The following ZNF652 variants were observed in gnomAD, a reference collection of about 807,000 sequenced individuals.
The protein encoded by ZNF652 is zinc finger protein 652.
ZNF652 carries 16 observed loss-of-function variants against 45.2 expected under a neutral mutation model. That is an observed-to-expected ratio of 0.35 (90% confidence interval 0.24 to 0.54). The LOEUF (loss-of-function observed/expected upper bound fraction) is 0.54. Ranked by LOEUF, ZNF652 falls within the 20% of genes least tolerant of loss-of-function variation. The probability of loss-of-function intolerance (pLI) is 0.91; values close to 1 mark genes in which losing one functional copy is unlikely to be tolerated. For synonymous variants in ZNF652, 250 were observed against 260.6 expected (o/e 0.96, Z 0.39); for missense variants, 614 against 765.6 (o/e 0.80, Z 2.34).
rs927255226 is a variant in ZNF652 at position 49,291,052 on chromosome 17, G to A, written c.*7361C>T. The A allele has an allele frequency of 6.6e-6, 1 of 152,158 alleles. No individual in the cohort carries two copies. Among genetic ancestry groups the A allele is most frequent in the Non-Finnish European group, 1.5e-5 (1 of 68,022 alleles). The allele number at this position is 152,158 out of a possible 1,614,324, so 9.4% of individuals were successfully genotyped here. ...GAGGCTACATATATGCCCTTGGGGA[G>A]ACAACTTAAGAAGTAAACACCAAAA... On this transcript the variant is annotated 3_prime_UTR_variant, in exon 6 of 6. Coordinates refer to ENST00000430262, the MANE Select transcript of ZNF652 (RefSeq NM_001145365.3).
At chr17:49,352,244 T>A (rs370449371) in intron 1 of ZNF652, among the ~76,000 whole-genome samples, 333 of 150,294 alleles carry the variant, frequency 2.2e-3, no homozygotes, top group African/African-American at 5.9e-3. Flanking sequence ...GTCAATATAT[T>A]TTTTTTTTTT....
At position 49,290,372 on chromosome 17, in the gene ZNF652, T is replaced by C. The variant is rs554471497; in HGVS notation, c.*8041A>G. ...CCACGGATAGGAGCCCTTAGACAAG[T>C]AACTGACAGAGAGGGAGCACACACA... On this transcript the variant is annotated 3_prime_UTR_variant, in exon 6 of 6. Coordinates refer to ENST00000430262, the MANE Select transcript of ZNF652 (RefSeq NM_001145365.3). 9.9e-5 allele frequency: 15 copies of C among 151,704 alleles called. No homozygotes were observed. Among genetic ancestry groups the C allele is most frequent in the African/African-American group, 3.6e-4 (15 of 41,278 alleles). The allele number at this position is 151,704 out of a possible 1,614,324, so 9.4% of individuals were successfully genotyped here.
At position 49,295,937 on chromosome 17, in the gene ZNF652, C is replaced by CAAAAAAAAAACAAAAAAAAAAAA. The variant is rs2069468039; in HGVS notation, c.*2475_*2476insTTTTTTTTTTTTGTTTTTTTTTT. 2.0e-5 allele frequency: 1 copy of CAAAAAAAAAACAAAAAAAAAAAA among 51,222 alleles called. No homozygotes were observed. Among genetic ancestry groups the CAAAAAAAAAACAAAAAAAAAAAA allele is most frequent in the African/African-American group, 7.4e-5 (1 of 13,604 alleles). 3.2% of individuals were successfully genotyped at this position (51,222 alleles called of 1,614,324 possible). On this transcript the variant is annotated 3_prime_UTR_variant, in exon 6 of 6. Coordinates refer to ENST00000430262, the MANE Select transcript of ZNF652 (RefSeq NM_001145365.3). ...CAGGCAACAGAACAAGACTCTGCCTCAAAAAAAAAAAAAAAAAAAAAAAAA... is the reference window on the plus strand; with the variant it reads ...CAGGCAACAGAACAAGACTCTGCCTCAAAAAAAAAACAAAAAAAAAAAAAAAAAAAAAAAAAAAAAAAAAAAAA...
At chr17:49,340,549 C>CA (rs1040246588) in intron 1 of ZNF652, among the ~76,000 whole-genome samples, 8,019 of 49,252 alleles carry the variant, frequency 0.16, 726 homozygotes, top group African/African-American at 0.27. Context: ...GACTCTGTCT[C>CA]AAAAAAAAAA....
chr17:49,311,526 GTC>G, intron 4 of ZNF652, 70 bp from the exon 5 acceptor site: 1 of 1,493,756 alleles, frequency 6.7e-7, no homozygotes, highest in East Asian at 2.3e-5. Context: ...CCCTAACACA[GTC>G]TCTGATACTA....
chr17:49,317,438 G>A lies in ZNF652; in HGVS notation c.288C>T (p.Asp96=), dbSNP rs777224302. 5 of 1,613,922 alleles carry A rather than the reference G, an allele frequency of 3.1e-6. No individual in the cohort carries two copies. The highest frequency in any genetic ancestry group is 1.6e-4 in the Middle Eastern group (1 of 6,062). Reference sequence around the variant, plus strand: ...CCTCTGTGTCATCAGAATTCTCCCGGTCTTCCTTAACAGCATGCACGTCAG... The same window carrying A: ...CCTCTGTGTCATCAGAATTCTCCCGATCTTCCTTAACAGCATGCACGTCAG... ...AVSDVHAVKE[D]RENSDDTEEE... Residue 96 remains aspartate (D), a synonymous_variant, in exon 2 of 6, where the codon GAC becomes GAT. Transcript: ENST00000430262.
At chr17:49,354,694 T>C (rs1474196880) in intron 1 of ZNF652, among the ~76,000 whole-genome samples, 1 of 152,024 alleles carries the variant, frequency 6.6e-6, no homozygotes, top group African/African-American at 2.4e-5. Context: ...TAAAACACCA[T>C]TACTATTCTG....
chr17:49,356,305 T>C (rs1437645438), intron 1 of ZNF652, among the ~76,000 whole-genome samples: 1 of 150,888 alleles, frequency 6.6e-6, no homozygotes, highest in African/African-American at 2.4e-5. Context: ...CAGGCGCCTG[T>C]AATCCCAGCT....
intron 5 of ZNF652, among the ~76,000 whole-genome samples, chr17:49,304,064 T>TA (rs1567914877): frequency 2.3e-5 from 3 of 133,148 alleles, no homozygotes; most frequent in African/African-American, 8.1e-5. Flanking sequence ...AATTTTTTTT[T>TA]TTTTTTTTTG....
intron 1 of ZNF652, among the ~76,000 whole-genome samples, chr17:49,352,242 ATTTTTTT>A (rs902042966): frequency 6.8e-6 from 1 of 147,428 alleles, no homozygotes; most frequent in Non-Finnish European, 1.5e-5. Flanking sequence ...CAGTCAATAT[ATTTTTTT>A]TTTTTCACAA....
At chr17:49,308,141 A>G (rs1481310159) in intron 5 of ZNF652, among the ~76,000 whole-genome samples, 1 of 152,058 alleles carries the variant, frequency 6.6e-6, no homozygotes, top group Admixed American at 6.6e-5. Context: ...CAATTTTCAT[A>G]GTTTCCCATA....
intron 1 of ZNF652, among the ~76,000 whole-genome samples, chr17:49,338,675 C>G (rs923680027): frequency 6.6e-6 from 1 of 152,110 alleles, no homozygotes; most frequent in African/African-American, 2.4e-5. Flanking sequence ...TGGATAGAAG[C>G]ACCTGATCAA....
At chr17:49,308,910 C>T (rs1567917549) in intron 5 of ZNF652, among the ~76,000 whole-genome samples, 1 of 151,416 alleles carries the variant, frequency 6.6e-6, no homozygotes, top group East Asian at 1.9e-4. Flanking sequence ...GAATACTCAA[C>T]ATAAATTTAT....
Position 49,289,965 on chromosome 17 carries a change from A to C in ZNF652, c.*8448T>G, listed in dbSNP as rs1010423770. The C allele has an allele frequency of 3.9e-5, 6 of 152,292 alleles. No individual in the cohort carries two copies. Among genetic ancestry groups the C allele is most frequent in the Admixed American group, 3.9e-4 (6 of 15,292 alleles). The allele number at this position is 152,292 out of a possible 1,614,324, so 9.4% of individuals were successfully genotyped here. On this transcript the variant is annotated 3_prime_UTR_variant, in exon 6 of 6. Coordinates refer to ENST00000430262, the MANE Select transcript of ZNF652 (RefSeq NM_001145365.3). ...AACGCTAAACAAGTCATGGCAAGCA[A>C]ACTGGATTTTCTTAAGAAATGAGGA... is the stretch of plus-strand genomic sequence containing the variant.
chr17:49,336,944 T>TTTTTTTTTG (rs2070090300), intron 1 of ZNF652, among the ~76,000 whole-genome samples: 1 of 32,886 alleles, frequency 3.0e-5, no homozygotes, highest in African/African-American at 1.7e-4. Context: ...TTAATGGTGT[T>TTTTTTTTTG]TTTTTTTTTT....
In ZNF652 at chr17:49,317,236, C is replaced by A; in HGVS notation, c.490G>T (p.Asp164Tyr). Residue 164 changes from aspartate (D) to tyrosine (Y), a missense_variant, in exon 2 of 6, where the codon GAT (aspartate) becomes TAT (tyrosine). Physicochemically the swap from Asp to Tyr is radical, Grantham distance 160 (BLOSUM62 -3). Around this residue, in one of 5 missense-constraint regions of ZNF652, gnomAD observed 262 missense variants for 306.3 expected, o/e 0.86. Coordinates refer to ENST00000430262, the MANE Select transcript of ZNF652 (RefSeq NM_001145365.3). ...EEEESEEEAT[D>Y]DSNDYGENEK... ...TTCTCTCCATAGTCATTGCTGTCAT[C>A]TGTGGCCTCTTCCTCACTCTCTTCC... 1 of 1,613,306 alleles carries A rather than the reference C, an allele frequency of 6.2e-7. No homozygotes were observed. Among genetic ancestry groups the A allele is most frequent in the Non-Finnish European group, 8.5e-7 (1 of 1,180,032 alleles).
At chr17:49,312,890 T>C (rs758785561) in intron 2 of ZNF652, 45 bp from the exon 3 acceptor site, 8 of 1,580,978 alleles carry the variant, frequency 5.1e-6, no homozygotes, top group Non-Finnish European at 6.9e-6. Context: ...GCTTACAGCA[T>C]GCCATACCAG....
intron 1 of ZNF652, among the ~76,000 whole-genome samples, chr17:49,345,384 G>A (rs1430124997): frequency 6.6e-6 from 1 of 151,056 alleles, no homozygotes; most frequent in Non-Finnish European, 1.5e-5. Context: ...TGTATTTTTA[G>A]TAGAAACGGG....
At chr17:49,320,884 G>T (rs369322961) in intron 1 of ZNF652, among the ~76,000 whole-genome samples, 11,040 of 151,548 alleles carry the variant, frequency 0.073, 474 homozygotes, top group Middle Eastern at 0.14. Flanking sequence ...ACGGAGTCTC[G>T]CTGTCACCCA....
Sources: gnomAD v4.1 joint callset for allele counts (sites outside exome capture counted in the v4.1 genomes callset) on GRCh38, gnomAD v4.1.1 for gene constraint, gnomAD v4.1.1 regional missense constraint, MANE v1.5 for transcripts, NCBI Gene and HGNC (gene_info 2026-07-23, HGNC 2026-07-21) for gene names.